Variants in QRICH1 observed in about 807,000 individuals in gnomAD.
QRICH1 encodes the protein transcriptional regulator QRICH1.
In QRICH1, 16 loss-of-function variants were observed where a neutral mutation model predicts 87.1. The ratio of observed to expected loss-of-function variants is 0.18; its 90% confidence interval spans 0.12 to 0.28. The LOEUF is 0.28. QRICH1 is among the 10% of genes least tolerant of loss of function. QRICH1 has a pLI of 1.00. For synonymous variants in QRICH1, 367 were observed against 368.4 expected, an observed-to-expected ratio of 1.00 and a Z score of 0.05; for missense variants, 647 against 951.7, an observed-to-expected ratio of 0.68 and a Z score of 4.21.
intron 5 of QRICH1, among the ~76,000 whole-genome samples, chr3:49,045,088 C>T (rs1327388633): frequency 6.6e-6 from 1 of 152,126 alleles, no homozygotes; most frequent in Non-Finnish European, 1.5e-5. Context: ...AAGAAATCCA[C>T]CTCTGCTCCC....
intron 2 of QRICH1, among the ~76,000 whole-genome samples, chr3:49,059,801 T>G (rs1041532327): frequency 2.6e-5 from 4 of 151,724 alleles, no homozygotes; most frequent in Admixed American, 2.0e-4. Flanking sequence ...CACCGTAACC[T>G]CTGCATCCCG....
In QRICH1 at chr3:49,056,961, G is replaced by C; in HGVS notation, c.1239C>G (p.Val413=). Residue 413 remains valine (V), a synonymous_variant, in exon 3 of 10, where the codon GTC becomes GTG. Transcript: ENST00000395443. ...GCTGCTGTTGGGGGTCCCATATATG[G>C]ACAGTTTGAGCCGTATTCTGGTACG... ...AGTYQNTAQT[V]HIWDPQQQPQ... 6.2e-7 allele frequency: 1 copy of C among 1,614,158 alleles called. No individual in the cohort carries two copies. The highest frequency in any genetic ancestry group is 8.5e-7 in the Non-Finnish European group (1 of 1,180,042).
chr3:49,090,727 G>A (rs1000905122), intron 1 of QRICH1, among the ~76,000 whole-genome samples: 1 of 151,960 alleles, frequency 6.6e-6, no homozygotes, highest in African/African-American at 2.4e-5. Flanking sequence ...CCTGAAGAGT[G>A]AGACCAAAGG....
chr3:49,079,166 C>G (rs1057484156), intron 1 of QRICH1, among the ~76,000 whole-genome samples: 2 of 151,850 alleles, frequency 1.3e-5, no homozygotes, highest in Non-Finnish European at 2.9e-5. Context: ...GCCCAGAGAT[C>G]GAGGCTGCAG....
At position 49,056,788 on chromosome 3, in the gene QRICH1, T is replaced by C. The variant is rs1371241350; in HGVS notation, c.1338+74A>G. The stretch of plus-strand genomic sequence containing the variant: ...TAACAGCAGTAAATAAGCCAGAGGT[T>C]GCGAGGCAAGCTCTGTGCTGCACTG... On this transcript the variant is annotated intron_variant, in intron 3 of 9. Transcript: ENST00000395443. 3 of 1,604,720 alleles carry C rather than the reference T, an allele frequency of 1.9e-6. No homozygotes were observed. The East Asian group carries it at 6.7e-5, about 36-fold the overall frequency.
At chr3:49,032,932 A>T in intron 7 of QRICH1, 159 bp from the exon 8 acceptor site, 1 of 1,006,760 alleles carries the variant, frequency 9.9e-7, no homozygotes, top group Non-Finnish European at 1.4e-6. Context: ...CCACATCAAG[A>T]TGGATGGTAG....
chr3:49,050,788 A>T (rs535178664), intron 3 of QRICH1, among the ~76,000 whole-genome samples: 17 of 152,258 alleles, frequency 1.1e-4, no homozygotes, highest in Admixed American at 8.5e-4. Context: ...ATGCCCCTCT[A>T]AGACATCTAG....
chr3:49,065,450 T>G (rs1219353826), intron 2 of QRICH1, among the ~76,000 whole-genome samples: 1 of 152,188 alleles, frequency 6.6e-6, no homozygotes, highest in African/African-American at 2.4e-5. Flanking sequence ...CTGACCCATT[T>G]TTGCAAACCT....
chr3:49,069,422 A>C (rs926243255), intron 2 of QRICH1, among the ~76,000 whole-genome samples: 1 of 152,060 alleles, frequency 6.6e-6, no homozygotes, highest in African/African-American at 2.4e-5. Flanking sequence ...TTTTACAGAA[A>C]AAAAGGACGT....
rs2042253808 is a variant in QRICH1, at chr3:49,090,501, AC to A, written c.-22+3410del. Among the ~76,000 whole-genome samples the A allele has an allele frequency of 2.0e-5, 3 of 150,026 alleles. No individual in the cohort carries two copies. The South Asian group carries it at 6.3e-4, about 32-fold the overall frequency. ...AAATTAGCCCAGCGTGGTGGCGGGC[AC>A]CTGTAATTCCAGCTACTCCAGAGGC... On this transcript the variant is annotated intron_variant, in intron 1 of 9. Transcript: ENST00000395443.
At chr3:49,032,583 G>A (rs550818498) in intron 8 of QRICH1, 39 bp downstream of exon 8, 1 of 1,534,006 alleles carries the variant, frequency 6.5e-7, no homozygotes, top group Non-Finnish European at 8.8e-7. Flanking sequence ...GGCAGGACAA[G>A]TAGCACCTGT....
chr3:49,058,060 G>A, intron 2 of QRICH1, 170 bp from the exon 3 acceptor site: 1 of 1,184,898 alleles, frequency 8.4e-7, no homozygotes, highest in Non-Finnish European at 1.2e-6. Context: ...ATCCAGGATT[G>A]TCCAGCAGCA....
intron 2 of QRICH1, among the ~76,000 whole-genome samples, chr3:49,072,321 A>G (rs562281503): frequency 1.8e-4 from 27 of 151,940 alleles, no homozygotes; most frequent in Non-Finnish European, 3.4e-4. Flanking sequence ...AAAAATGAGT[A>G]AATCTCAGCC....
At chr3:49,070,661 C>A (rs1446219838) in intron 2 of QRICH1, among the ~76,000 whole-genome samples, 1 of 152,112 alleles carries the variant, frequency 6.6e-6, no homozygotes, top group Non-Finnish European at 1.5e-5. Flanking sequence ...TCTCAAACTC[C>A]TGGGCTCAAG....
At chr3:49,060,884 A>G (rs1157847764) in intron 2 of QRICH1, among the ~76,000 whole-genome samples, 1 of 151,820 alleles carries the variant, frequency 6.6e-6, no homozygotes, top group African/African-American at 2.4e-5. Context: ...TAATCCCAGT[A>G]CTTTGGGAGG....
intron 2 of QRICH1, among the ~76,000 whole-genome samples, chr3:49,073,148 A>T (rs1276973025): frequency 1.3e-5 from 2 of 152,162 alleles, no homozygotes; most frequent in Non-Finnish European, 2.9e-5. Flanking sequence ...CTATCCTCTT[A>T]GTATAAAAAG....
chr3:49,032,956 G>C, intron 7 of QRICH1, 164 bp downstream of exon 7: 1 of 924,348 alleles, frequency 1.1e-6, no homozygotes, highest in East Asian at 2.9e-5. Flanking sequence ...TCTGGCAAGG[G>C]TGTTTGCCTC....
intron 2 of QRICH1, among the ~76,000 whole-genome samples, chr3:49,067,427 G>T (rs2093474902): frequency 6.6e-6 from 1 of 151,644 alleles, no homozygotes; most frequent in Non-Finnish European, 1.5e-5. Context: ...AATTAGCTGG[G>T]TGTGGTGGTG....
At chr3:49,045,243 C>A (rs1424332494) in intron 5 of QRICH1, among the ~76,000 whole-genome samples, 1 of 140,426 alleles carries the variant, frequency 7.1e-6, no homozygotes, top group African/African-American at 2.7e-5. Context: ...TATGCTGGCA[C>A]AAGACTCTGT....
Sources: allele counts gnomAD v4.1 joint callset (sites outside exome capture counted in the v4.1 genomes callset), GRCh38; gene constraint gnomAD v4.1.1; transcripts MANE v1.5; gene names NCBI Gene and HGNC (gene_info 2026-07-23, HGNC 2026-07-21).